Variants in RORA observed in about 807,000 individuals in gnomAD.
The protein encoded by RORA is nuclear receptor ROR-alpha.
A neutral mutation model predicts 69.5 loss-of-function variants in RORA; 7 were observed. That is an observed-to-expected ratio of 0.10 (90% CI 0.06 to 0.19). The LOEUF is 0.19. Ranked by LOEUF, RORA falls within the 10% of genes least tolerant of loss-of-function variation. RORA has a pLI of 1.00. For synonymous variants in RORA, 261 were observed against 240.8 expected (o/e 1.08, Z -0.78); for missense variants, 457 against 663.0 (o/e 0.69, Z 3.41).
chr15:61,002,494 GC>G (rs1894773931), intron 1 of RORA, among the ~76,000 whole-genome samples: 1 of 152,126 alleles, frequency 6.6e-6, no homozygotes, highest in African/African-American at 2.4e-5. Context: ...TTAATCGTGG[GC>G]TTTGGGGCGT....
At chr15:60,675,089 G>A (rs1432357356) in intron 2 of RORA, among the ~76,000 whole-genome samples, 1 of 152,148 alleles carries the variant, frequency 6.6e-6, no homozygotes, top group Non-Finnish European at 1.5e-5. Flanking sequence ...ATGATTTGTT[G>A]CATCTTTTCA....
At chr15:61,148,356 T>A (rs781639729) in intron 1 of RORA, among the ~76,000 whole-genome samples, 1 of 152,180 alleles carries the variant, frequency 6.6e-6, no homozygotes, top group Non-Finnish European at 1.5e-5. Flanking sequence ...CCAAATGAAG[T>A]ATTCAGAAGA....
intron 2 of RORA, among the ~76,000 whole-genome samples, chr15:60,540,186 A>G (rs2066816407): frequency 6.6e-6 from 1 of 152,290 alleles, no homozygotes; most frequent in African/African-American, 2.4e-5. Flanking sequence ...ACCTCACTCT[A>G]GATACCAATT....
chr15:60,871,292 C>A (rs1374703848), intron 1 of RORA, among the ~76,000 whole-genome samples: 1 of 152,088 alleles, frequency 6.6e-6, no homozygotes, highest in East Asian at 1.9e-4. Flanking sequence ...TCCTCAAGGG[C>A]ACTTAAGAAT....
At chr15:61,162,938 T>G (rs2079508694) in intron 1 of RORA, among the ~76,000 whole-genome samples, 1 of 152,202 alleles carries the variant, frequency 6.6e-6, no homozygotes, top group East Asian at 1.9e-4. Context: ...AGAGCAGGTC[T>G]TGCCACCTAT....
chr15:60,548,080 C>T lies in RORA; in HGVS notation c.197-16229G>A, dbSNP rs568556247. The T allele has an allele frequency of 5.3e-5, 8 of 152,286 alleles. No individual in the cohort carries two copies. The East Asian group carries it at 1.5e-3, about 29-fold the overall frequency. The allele number at this position is 152,286 out of a possible 1,614,324, so 9.4% of individuals were successfully genotyped here. Reference sequence around the variant, plus strand: ...TGCATGAAAATACGCTTTCTGAAGTCACGCTCTGAAAGAAACTAAGTTGTT... The same window carrying T: ...TGCATGAAAATACGCTTTCTGAAGTTACGCTCTGAAAGAAACTAAGTTGTT... On this transcript the variant is annotated intron_variant, in intron 2 of 10. Coordinates refer to ENST00000335670, the MANE Select transcript of RORA (RefSeq NM_134261.3).
chr15:61,182,566 G>A (rs1478655221), intron 1 of RORA, among the ~76,000 whole-genome samples: 3 of 152,238 alleles, frequency 2.0e-5, no homozygotes, highest in Admixed American at 6.5e-5. Flanking sequence ...GCTGTTTCCA[G>A]TAGGAGAAAG....
chr15:60,735,229 A>G (rs1035463080), intron 1 of RORA, among the ~76,000 whole-genome samples: 1 of 152,230 alleles, frequency 6.6e-6, no homozygotes, highest in Admixed American at 6.5e-5. Flanking sequence ...CAACACAGAA[A>G]GATTTGTTGC....
chr15:60,587,887 G>A (rs1657531651), intron 2 of RORA, among the ~76,000 whole-genome samples: 1 of 152,156 alleles, frequency 6.6e-6, no homozygotes, highest in Non-Finnish European at 1.5e-5. Context: ...CCATTGGATA[G>A]TATATGCTAT....
At chr15:61,150,849 G>T (rs2079391310) in intron 1 of RORA, among the ~76,000 whole-genome samples, 1 of 152,182 alleles carries the variant, frequency 6.6e-6, no homozygotes, top group African/African-American at 2.4e-5. Flanking sequence ...CTACTTATCA[G>T]TGGGCATTTG....
intron 2 of RORA, among the ~76,000 whole-genome samples, chr15:60,610,911 G>A (rs1053368815): frequency 6.6e-6 from 1 of 152,118 alleles, no homozygotes; most frequent in Non-Finnish European, 1.5e-5. Context: ...TTTTCATGCA[G>A]ATCATTGTCG....
At chr15:60,550,127 C>G (rs1044573274) in intron 2 of RORA, among the ~76,000 whole-genome samples, 3 of 152,158 alleles carry the variant, frequency 2.0e-5, no homozygotes, top group African/African-American at 7.2e-5. Flanking sequence ...CCCATCTCTA[C>G]TAAAAATACA....
intron 2 of RORA, among the ~76,000 whole-genome samples, chr15:60,637,993 A>C (rs1320081208): frequency 6.6e-6 from 1 of 152,188 alleles, no homozygotes; most frequent in African/African-American, 2.4e-5. Context: ...GTGTCTATAA[A>C]GGGTGGGGTT....
At chr15:60,945,612 A>G (rs760141879) in intron 1 of RORA, among the ~76,000 whole-genome samples, 2 of 152,246 alleles carry the variant, frequency 1.3e-5, no homozygotes, top group Non-Finnish European at 2.9e-5. Flanking sequence ...CATGCATAAC[A>G]ATATGTTCCA....
chr15:60,511,871 C>T lies in RORA; in HGVS notation c.425-250G>A, dbSNP rs2065710335. On this transcript the variant is annotated intron_variant, in intron 4 of 10. Coordinates refer to ENST00000335670, the MANE Select transcript of RORA (RefSeq NM_134261.3). The surrounding 1 kb of genome is among the most constrained non-coding windows in gnomAD (Gnocchi z 6.4). ...GAGGCCTGGTGCAGGTAGGAGGGGC[C>T]CAGAGAGATGCCACTTCTGTTTCCC... 6.6e-6 allele frequency among the ~76,000 whole-genome samples: 1 copy of T among 152,070 alleles called. No individual in the cohort carries two copies. The highest frequency in any genetic ancestry group is 1.5e-5 in the Non-Finnish European group (1 of 68,030).
At chr15:60,589,280 C>T (rs1044286628) in intron 2 of RORA, among the ~76,000 whole-genome samples, 1 of 152,208 alleles carries the variant, frequency 6.6e-6, no homozygotes, top group Non-Finnish European at 1.5e-5. Flanking sequence ...CCAACACATA[C>T]AGTATTTTCA....
chr15:60,590,930 C>A (rs2068484336), intron 2 of RORA, among the ~76,000 whole-genome samples: 1 of 152,152 alleles, frequency 6.6e-6, no homozygotes, highest in South Asian at 2.1e-4. Flanking sequence ...TCATCTCAAG[C>A]AGCTCATCTT....
At chr15:60,712,251 A>T (rs892557525) in intron 1 of RORA, among the ~76,000 whole-genome samples, 27 of 152,334 alleles carry the variant, frequency 1.8e-4, no homozygotes, top group Middle Eastern at 3.4e-3. Context: ...TAACATTTTT[A>T]AAAAAGTTGA....
intron 1 of RORA, among the ~76,000 whole-genome samples, chr15:61,110,653 G>A (rs934752498): frequency 1.4e-4 from 22 of 152,086 alleles, no homozygotes; most frequent in Admixed American, 3.3e-4. Flanking sequence ...CTGCCAGGGG[G>A]ACAAGATGTG....
Sources: allele counts gnomAD v4.1 joint callset (sites outside exome capture counted in the v4.1 genomes callset), GRCh38; gene constraint gnomAD v4.1.1; non-coding constraint Gnocchi (gnomAD v3.1); transcripts MANE v1.5; gene names NCBI Gene and HGNC (gene_info 2026-07-23, HGNC 2026-07-21).